Variants in UBR3 observed in about 807,000 individuals in gnomAD.
The protein encoded by UBR3 is E3 ubiquitin-protein ligase UBR3.
UBR3 carries 85 observed loss-of-function variants against 243.2 expected under a neutral mutation model. That is an observed-to-expected ratio of 0.35 (90% CI 0.29 to 0.42). The LOEUF (loss-of-function observed/expected upper bound fraction) is 0.42, where lower values mean the gene tolerates loss of function less well. UBR3 is among the 10% of genes least tolerant of loss of function. UBR3 has a pLI of 1.00. For synonymous variants in UBR3, 748 were observed against 799.8 expected, an observed-to-expected ratio of 0.94 and a Z score of 1.09; for missense variants, 1,686 against 2,300.8, an observed-to-expected ratio of 0.73 and a Z score of 5.47.
At chr2:170,081,165 T>A (rs1353740707) in intron 38 of UBR3, among the ~76,000 whole-genome samples, 1 of 152,018 alleles carries the variant, frequency 6.6e-6, no homozygotes, top group African/African-American at 2.4e-5. Context: ...CACACCAACC[T>A]GGGCAACAGA....
intron 24 of UBR3, among the ~76,000 whole-genome samples, chr2:169,968,298 C>T (rs1350797595): frequency 6.6e-6 from 1 of 152,090 alleles, no homozygotes; most frequent in South Asian, 2.1e-4. Context: ...AAACACTATT[C>T]CTTCTATAAC....
chr2:169,913,708 C>T (rs1185728630), intron 10 of UBR3, among the ~76,000 whole-genome samples: 3 of 151,960 alleles, frequency 2.0e-5, no homozygotes, highest in Non-Finnish European at 4.4e-5. Flanking sequence ...ACTTTTTTGT[C>T]AGCCCCAAAG....
At chr2:170,078,033 C>A (rs1559241927) in intron 36 of UBR3, 1 of 686,730 alleles carries the variant, frequency 1.5e-6, no homozygotes, top group Middle Eastern at 4.4e-4. Flanking sequence ...CTCTGTCCAG[C>A]AGATAGGCAG....
At chr2:169,983,570 C>T (rs2088856985) in intron 24 of UBR3, among the ~76,000 whole-genome samples, 1 of 152,036 alleles carries the variant, frequency 6.6e-6, no homozygotes, top group Admixed American at 6.6e-5. Context: ...CCTCCACATT[C>T]TCTTCATTAA....
In UBR3 at chr2:169,831,576, C is replaced by T. The variant is rs1055241630; in HGVS notation, c.545+3524C>T. ...ATTGAACAATAAACAGTATTGTGGC[C>T]ATGCAATTACTCTGAATTTTTTCTA... is the stretch of plus-strand genomic sequence containing the variant. On this transcript the variant is annotated intron_variant, in intron 1 of 38. Transcript: ENST00000272793. Among the ~76,000 whole-genome samples, 5 of 152,230 alleles carry T rather than the reference C, an allele frequency of 3.3e-5. No homozygotes were observed. In the East Asian group the frequency reaches 9.6e-4, roughly 29 times the overall value.
At chr2:169,866,150 C>CAAAAAAAAAAAAAAAAAAAAAAA in intron 1 of UBR3, among the ~76,000 whole-genome samples, 1 of 53,380 alleles carries the variant, frequency 1.9e-5, no homozygotes, top group Non-Finnish European at 2.9e-5. Context: ...GACTGTGTCT[C>CAAAAAAAAAAAAAAAAAAAAAAA]AAAAAAAAAA....
chr2:169,939,197 GTCTC>G (rs1381106636), intron 19 of UBR3, among the ~76,000 whole-genome samples: 1 of 150,812 alleles, frequency 6.6e-6, no homozygotes, highest in African/African-American at 2.4e-5. Context: ...AGTTTTGATT[GTCTC>G]TCTCCTCCCA....
At position 170,069,497 on chromosome 2, in the gene UBR3, G is replaced by GTAT. The variant is rs1455150706; in HGVS notation, c.5020-3925_5020-3923dup. On this transcript the variant is annotated intron_variant, in intron 35 of 38. Coordinates refer to ENST00000272793, the MANE Select transcript of UBR3 (RefSeq NM_172070.4). ...TAGCAAATTTCAAGTATACAATACA[G>GTAT]TATTATTAAATATAGTCATCATGCT... Among the ~76,000 whole-genome samples, 35 of 152,114 alleles carry GTAT rather than the reference G, an allele frequency of 2.3e-4. No homozygotes were observed. In the East Asian group the frequency reaches 6.0e-3, roughly 26 times the overall value.
In UBR3 at chr2:169,847,079, C is replaced by CTGTG. The variant is rs769261518; in HGVS notation, c.545+19070_545+19073dup. On this transcript the variant is annotated intron_variant, in intron 1 of 38. Coordinates refer to ENST00000272793, the MANE Select transcript of UBR3 (RefSeq NM_172070.4). ...TAAACTGTTGGTGTCTTTTCTTAAA[C>CTGTG]TGTGTGTGTGTGTGTGTGTGTGTGT... is the stretch of plus-strand genomic sequence containing the variant. Among the ~76,000 whole-genome samples the CTGTG allele has an allele frequency of 3.4e-3, 421 of 123,754 alleles. 1 individual carries two copies. The highest frequency in any genetic ancestry group is 9.9e-3 in the African/African-American group (323 of 32,586). The allele number at this position is 123,754 out of a possible 152,430, so 81.2% of individuals were successfully genotyped here.
intron 24 of UBR3, among the ~76,000 whole-genome samples, chr2:169,976,781 G>A (rs2088468702): frequency 2.0e-5 from 3 of 152,050 alleles, no homozygotes; most frequent in Admixed American, 6.6e-5. Context: ...GAGCTTCTTG[G>A]ATCTAGATGT....
rs552049655 is a variant in UBR3 at position 170,004,731 on chromosome 2, C to T, written c.4030-2259C>T. On this transcript the variant is annotated intron_variant, in intron 27 of 38. Coordinates refer to ENST00000272793, the MANE Select transcript of UBR3 (RefSeq NM_172070.4). ...TTCGAGACCAGCCTGGCCAACATGG[C>T]GAAACCCCATCTATACTAAAAACAC... is the stretch of plus-strand genomic sequence containing the variant. Among the ~76,000 whole-genome samples, 9 of 151,232 alleles carry T rather than the reference C, an allele frequency of 6.0e-5. No homozygotes were observed. The South Asian group carries it at 6.3e-4, about 11-fold the overall frequency.
intron 7 of UBR3, among the ~76,000 whole-genome samples, chr2:169,895,804 G>A (rs990260637): frequency 7.9e-5 from 12 of 152,292 alleles, no homozygotes; most frequent in African/African-American, 1.4e-4. Context: ...TCTAGTCCCA[G>A]GGGGTCAGAA....
rs16857570 is a variant in UBR3 at position 170,062,933 on chromosome 2, A to G, written c.5019+1490A>G. On this transcript the variant is annotated intron_variant, in intron 35 of 38. Transcript: ENST00000272793. ...TGCATAGAAAGGAACAGTGTGACAT[A>G]GTGAAGAAAGAGATTAAAATATAGT... 0.01 allele frequency among the ~76,000 whole-genome samples: 1,547 copies of G among 152,334 alleles called. 66 individuals carry two copies. The East Asian group carries it at 0.12, about 12-fold the overall frequency.
chr2:169,859,775 C>T lies in UBR3; in HGVS notation c.546-12461C>T, dbSNP rs149629812. On this transcript the variant is annotated intron_variant, in intron 1 of 38. Transcript: ENST00000272793. ...TTTACTGCCTAGGCTGGAGTGCAGT[C>T]GCATGATCTTGGCTCACTGCAACCT... 4.1e-3 allele frequency among the ~76,000 whole-genome samples: 625 copies of T among 151,854 alleles called. 5 individuals are homozygous for T. The highest frequency in any genetic ancestry group is 0.014 in the African/African-American group (573 of 41,406).
intron 31 of UBR3, 26 bp from the exon 32 acceptor site, chr2:170,040,856 G>GTT (rs1559210607): frequency 6.5e-7 from 1 of 1,546,452 alleles, no homozygotes; most frequent in East Asian, 2.3e-5. Context: ...ACAATACTAT[G>GTT]TAAAGTGACT....
At chr2:169,967,584 G>A (rs1403280411) in intron 24 of UBR3, among the ~76,000 whole-genome samples, 1 of 152,064 alleles carries the variant, frequency 6.6e-6, no homozygotes, top group Non-Finnish European at 1.5e-5. Context: ...ATTGAGGCCT[G>A]TTGTTTGTTA....
chr2:169,854,661 A>ATT (rs1360665264), intron 1 of UBR3, among the ~76,000 whole-genome samples: 2 of 152,176 alleles, frequency 1.3e-5, no homozygotes, highest in African/African-American at 4.8e-5. Context: ...TACAATGGAC[A>ATT]TTCATGTACC....
intron 18 of UBR3, 122 bp from the exon 19 acceptor site, chr2:169,932,790 C>T (rs1410204237): frequency 4.9e-6 from 4 of 822,832 alleles, no homozygotes; most frequent in Non-Finnish European, 7.4e-6. Context: ...AAGGCAAATA[C>T]TATAATCAGA....
intron 1 of UBR3, among the ~76,000 whole-genome samples, chr2:169,841,262 C>CAGTA (rs1446242724): frequency 6.6e-6 from 1 of 152,220 alleles, no homozygotes; most frequent in Non-Finnish European, 1.5e-5. Flanking sequence ...AGAAGCCATG[C>CAGTA]AGTATCCTGA....
Sources: gnomAD v4.1 joint callset for allele counts (sites outside exome capture counted in the v4.1 genomes callset) on GRCh38, gnomAD v4.1.1 for gene constraint, MANE v1.5 for transcripts, NCBI Gene and HGNC (gene_info 2026-07-23, HGNC 2026-07-21) for gene names.